Variants in HUWE1 observed in about 807,000 individuals in gnomAD.
HUWE1 encodes the protein HECT, UBA and WWE domain containing E3 ubiquitin protein ligase 1, also known as E3 ubiquitin-protein ligase HUWE1.
Under a neutral mutation model 299.4 loss-of-function variants are expected in HUWE1, and 18 were observed. The ratio of observed to expected loss-of-function variants is 0.06; its 90% CI spans 0.04 to 0.09. HUWE1 has a LOEUF of 0.09. Among genes scored for constraint, HUWE1 ranks in the 10% least tolerant of loss-of-function variants. HUWE1 has a pLI of 1.00. For synonymous variants in HUWE1, 1,317 were observed against 1,286.1 expected, an observed-to-expected ratio of 1.02 and a Z score of -0.51; for missense variants, 1,832 against 3,462.3, an observed-to-expected ratio of 0.53 and a Z score of 11.82.
chrX:53,560,837 G>A (rs2062251118), intron 55 of HUWE1, among the ~76,000 whole-genome samples: 1 of 111,456 alleles, frequency 9.0e-6, no homozygotes, highest in African/African-American at 3.3e-5. Context: ...TCTTACTATA[G>A]TGCAATGTAA....
intron 29 of HUWE1, among the ~76,000 whole-genome samples, chrX:53,596,115 A>C (rs782455084): frequency 8.9e-6 from 1 of 112,640 alleles, no homozygotes; most frequent in East Asian, 2.8e-4. Context: ...CATTTTAAAA[A>C]TAAACGTTAT....
At chrX:53,564,764 T>A (rs1569448414) in intron 50 of HUWE1, 42 bp from the exon 51 acceptor site, 4 of 1,205,841 alleles carry the variant, frequency 3.3e-6, no homozygotes, top group Admixed American at 2.2e-5. Context: ...AAAGAGTGCC[T>A]ATGTGCTGGG....
At chrX:53,544,974 A>G in intron 71 of HUWE1, 55 bp downstream of exon 71, 1 of 1,160,550 alleles carries the variant, frequency 8.6e-7, no homozygotes. Flanking sequence ...AGCAAGAGCC[A>G]TCTTCCAGAA....
chrX:53,535,151 T>C (rs2060972785), intron 81 of HUWE1, among the ~76,000 whole-genome samples: 1 of 111,142 alleles, frequency 9.0e-6, no homozygotes, highest in African/African-American at 3.3e-5. Flanking sequence ...GCCAGGCTGG[T>C]CTCAAACTCC....
intron 71 of HUWE1, 82 bp downstream of exon 71, chrX:53,544,947 A>C: frequency 7.3e-6 from 8 of 1,100,985 alleles, no homozygotes; most frequent in Non-Finnish European, 1.0e-5. Context: ...CAGAGAAATA[A>C]AAAAGACCAG....
At chrX:53,642,129 G>C (rs975904929) in intron 7 of HUWE1, among the ~76,000 whole-genome samples, 2 of 111,358 alleles carry the variant, frequency 1.8e-5, no homozygotes, top group Non-Finnish European at 3.8e-5. Flanking sequence ...GTATTATACT[G>C]CAAGTAACTG....
In HUWE1 at chrX:53,594,440, G is replaced by A. The variant is rs2064340659; in HGVS notation, c.3503+59C>T. ...TACTTAAAAGCAGTGGGCTGGGAAG[G>A]CACACAGCAAAGATCAAACTCCAAG... On this transcript the variant is annotated intron_variant, in intron 31 of 83. Coordinates refer to ENST00000262854, the MANE Select transcript of HUWE1 (RefSeq NM_031407.7). 5 of 1,160,673 alleles carry A rather than the reference G, an allele frequency of 4.3e-6. No individual in the cohort carries two copies. The South Asian group carries it at 9.2e-5, about 21-fold the overall frequency.
intron 19 of HUWE1, among the ~76,000 whole-genome samples, chrX:53,617,878 A>C (rs1213783123): frequency 2.7e-5 from 3 of 112,231 alleles, no homozygotes; most frequent in African/African-American, 9.7e-5. Context: ...AACAGGAAAA[A>C]AAATCTATGA....
intron 17 of HUWE1, chrX:53,625,885 G>GGCCGGT (rs782286282): frequency 6.4e-5 from 21 of 326,060 alleles, no homozygotes; most frequent in Admixed American, 2.5e-4. Context: ...CCGGGGCCAG[G>GGCCGGT]GCCGGTGCCG....
rs2064348700 is a variant in HUWE1, at chrX:53,594,599, C to A, written c.3403G>T (p.Val1135Phe). ...AACAGCATTGGGGATGTGAAACCAA[C>A]TGAACAGATGAAGAATGTCAGCCTG... ...RFRLTFFICS[V>F]GFTSPMLFDE... Residue 1135 changes from valine (V) to phenylalanine (F), a missense_variant, in exon 31 of 84, where the codon GTT becomes TTT. By Grantham distance (50) the Val-to-Phe change is conservative. This residue lies in a region of HUWE1 where 658 missense variants were observed against 1,282.6 expected (regional missense o/e 0.51). Transcript: ENST00000262854. 1 of 1,208,790 alleles carries A rather than the reference C, an allele frequency of 8.3e-7. No homozygotes were observed. The highest frequency in any genetic ancestry group is 1.8e-5 in the African/African-American group (1 of 57,075).
intron 3 of HUWE1, among the ~76,000 whole-genome samples, chrX:53,675,540 G>A (rs1603275095): frequency 9.0e-6 from 1 of 110,565 alleles, no homozygotes; most frequent in Admixed American, 9.6e-5. Flanking sequence ...TCCTTAACTC[G>A]ACTGTGAGTT....
At position 53,589,696 on chromosome X, in the gene HUWE1, T is replaced by C. The variant is rs1064796450; in HGVS notation, c.4312A>G (p.Thr1438Ala). 2 of 1,211,681 alleles carry C rather than the reference T, an allele frequency of 1.7e-6. No homozygotes were observed. Among genetic ancestry groups the C allele is most frequent in the Non-Finnish European group, 2.2e-6 (2 of 895,482 alleles). ...ADPLEQDELH[T>A]FTDTMLPGCF... ...CCTGGCAACATAGTATCTGTGAAAGTGTGGAGCTCATCTTGTTCCAACGGG... is the reference window on the plus strand; with the variant it reads ...CCTGGCAACATAGTATCTGTGAAAGCGTGGAGCTCATCTTGTTCCAACGGG... The change falls in exon 36 of 84, where the codon ACT (threonine) becomes GCT (alanine). Residue 1438 changes from threonine to alanine, a missense_variant. This residue lies in a region of HUWE1 where 658 missense variants were observed against 1,282.6 expected (regional missense o/e 0.51). Coordinates refer to ENST00000262854, the MANE Select transcript of HUWE1 (RefSeq NM_031407.7).
At chrX:53,566,133 G>GTGTATATATATATATATATA (rs782815282) in intron 49 of HUWE1, among the ~76,000 whole-genome samples, 15 of 38,961 alleles carry the variant, frequency 3.8e-4, no homozygotes, top group Admixed American at 1.4e-3. Context: ...GTGTGTGTGT[G>GTGTATATATATATATATATA]TATATATATA....
intron 47 of HUWE1, among the ~76,000 whole-genome samples, 173 bp from the exon 48 acceptor site, chrX:53,570,000 G>A (rs920332776): frequency 1.8e-5 from 2 of 112,711 alleles, no homozygotes; most frequent in African/African-American, 6.5e-5. Context: ...CAAGTAAGGA[G>A]CAAACCCAGA....
At chrX:53,609,310 C>T (rs1484009235) in intron 23 of HUWE1, among the ~76,000 whole-genome samples, 3 of 112,224 alleles carry the variant, frequency 2.7e-5, no homozygotes, top group African/African-American at 9.7e-5. Context: ...GGAAATTTAT[C>T]CACATGAGAA....
rs184876358 is a variant in HUWE1 at position 53,546,792 on chromosome X, G to A, written c.10670C>T (p.Ala3557Val). 5.1e-5 allele frequency: 61 copies of A among 1,207,541 alleles called. No homozygotes were observed. The South Asian group carries it at 9.1e-4, about 18-fold the overall frequency. ...SPTTKGSKSP[A>V]KVSDGGSSST... Reference sequence around the variant, plus strand: ...GCTGCTGCCCCCATCACTCACCTTCGCTGGAGATTTGCTGCCCTTAGTAGT... The same window carrying A: ...GCTGCTGCCCCCATCACTCACCTTCACTGGAGATTTGCTGCCCTTAGTAGT... Residue 3557 changes from alanine (A) to valine (V), a missense_variant, in exon 69 of 84, where the codon GCG (alanine) becomes GTG (valine). Physicochemically the swap from Ala to Val is moderately conservative, Grantham distance 64. This residue lies in a region of HUWE1 where 119 missense variants were observed against 124.6 expected (regional missense o/e 0.96). Coordinates refer to ENST00000262854, the MANE Select transcript of HUWE1 (RefSeq NM_031407.7).
chrX:53,611,963 C>T (rs1299371839), intron 23 of HUWE1, among the ~76,000 whole-genome samples: 1 of 111,185 alleles, frequency 9.0e-6, no homozygotes, highest in African/African-American at 3.3e-5. Flanking sequence ...AACAGAAATT[C>T]GGAAGAACTA....
chrX:53,537,782 T>C (rs1425187497), intron 77 of HUWE1, 86 bp from the exon 78 acceptor site: 3 of 943,259 alleles, frequency 3.2e-6, no homozygotes, highest in African/African-American at 3.9e-5. Flanking sequence ...CCCACAATGA[T>C]GCTCCTTCTA....
chrX:53,600,316 A>T lies in HUWE1; in HGVS notation c.2972-7T>A. 1 of 1,182,206 alleles carries T rather than the reference A, an allele frequency of 8.5e-7. No individual in the cohort carries two copies. ...GCTCCATCCTGTTCCCCATCTACAG[A>T]TGTATAAGAGGGGAGCAATAGGACA... On this transcript the variant is annotated splice_polypyrimidine_tract_variant and splice_region_variant and intron_variant, in intron 28 of 83. Coordinates refer to ENST00000262854, the MANE Select transcript of HUWE1 (RefSeq NM_031407.7).
Sources: gnomAD v4.1 joint callset for allele counts (sites outside exome capture counted in the v4.1 genomes callset) on GRCh38, gnomAD v4.1.1 for gene constraint, gnomAD v4.1.1 regional missense constraint, MANE v1.5 for transcripts, NCBI Gene and HGNC (gene_info 2026-07-23, HGNC 2026-07-21) for gene names.